ALMS1: variants seen among roughly 807,000 people sequenced by gnomAD.
ALMS1 encodes centrosome-associated protein ALMS1.
ALMS1 carries 271 observed loss-of-function variants against 352.2 expected under a neutral mutation model. That is an observed-to-expected ratio of 0.77 (90% confidence interval 0.70 to 0.85). The LOEUF is 0.85. Ranked by LOEUF, ALMS1 falls within the 40% of genes least tolerant of loss-of-function variation. ALMS1 has a pLI of 0.00. For missense variants in ALMS1, 5,445 were observed against 4,870.7 expected (o/e 1.12, Z -3.51); for synonymous variants, 1,865 against 1,761.2 (o/e 1.06, Z -1.48).
intron 9 of ALMS1, among the ~76,000 whole-genome samples, chr2:73,472,718 C>T (rs1376813608): frequency 3.3e-5 from 5 of 152,058 alleles, no homozygotes. Flanking sequence ...ACTTTGAAGA[C>T]AGCAGCTTAT....
In ALMS1 at chr2:73,451,321, C is replaced by T; in HGVS notation, c.4794C>T (p.Ser1598=). The change falls in exon 8 of 23, where the codon TCC becomes TCT. Residue 1598 remains serine, a synonymous_variant. Transcript: ENST00000613296. The stretch of plus-strand genomic sequence containing the variant: ...TACCTGAAGAGGCTCTGAAAGTTTC[C>T]ATTGTTTCTGGACCTACTGAAAAAA... ...GHLPEEALKV[S]IVSGPTEKKT... is the part of the protein sequence containing the mutation. 1 of 1,613,530 alleles carries T rather than the reference C, an allele frequency of 6.2e-7. No individual in the cohort carries two copies. The highest frequency in any genetic ancestry group is 8.5e-7 in the Non-Finnish European group (1 of 1,179,834).
At chr2:73,605,979 G>A (rs548300761) in intron 21 of ALMS1, among the ~76,000 whole-genome samples, 1 of 152,278 alleles carries the variant, frequency 6.6e-6, no homozygotes, top group East Asian at 1.9e-4. Flanking sequence ...CTATATGTAA[G>A]CTGGATTTTT....
At position 73,453,614 on chromosome 2, in the gene ALMS1, C is replaced by G. The variant is rs1304430967; in HGVS notation, c.7087C>G (p.Leu2363Val). The change falls in exon 8 of 23, where the codon CTA becomes GTA. Residue 2363 changes from leucine (L) to valine (V), a missense_variant. By Grantham distance (32) the Leu-to-Val change is conservative. Transcript: ENST00000613296. ...TAGTTCAACTACAGTTAGAAGTCCT[C>G]TACAGGAAGCAGAGAGCAAAGTCAG... ...FISSTTVRSP[L>V]QEAESKVSMA... 9.9e-6 allele frequency: 16 copies of G among 1,613,840 alleles called. No homozygotes were observed. The highest frequency in any genetic ancestry group is 1.4e-5 in the Non-Finnish European group (16 of 1,180,010).
At chr2:73,557,155 G>A (rs911230866) in intron 13 of ALMS1, 65 bp from the exon 14 acceptor site, 9 of 1,604,274 alleles carry the variant, frequency 5.6e-6, no homozygotes, top group South Asian at 5.5e-5. Context: ...TTGTGGGGGA[G>A]GATTACTTGT....
chr2:73,561,674 C>G (rs1236238327), intron 15 of ALMS1, among the ~76,000 whole-genome samples: 3 of 145,124 alleles, frequency 2.1e-5, no homozygotes, highest in Non-Finnish European at 2.9e-5. Flanking sequence ...ATATACTTAA[C>G]ACTACTGAAC....
intron 2 of ALMS1, among the ~76,000 whole-genome samples, chr2:73,418,166 T>G (rs1210420555): frequency 6.6e-6 from 1 of 152,180 alleles, no homozygotes; most frequent in Non-Finnish European, 1.5e-5. Context: ...TGTTAGCATT[T>G]TAGTAAAGTG....
intron 1 of ALMS1, among the ~76,000 whole-genome samples, chr2:73,397,490 G>T (rs1181747868): frequency 1.3e-5 from 2 of 151,656 alleles, no homozygotes; most frequent in African/African-American, 4.8e-5. Context: ...TTTTTGAGAT[G>T]GTGTTTCGCT....
At chr2:73,412,273 C>G (rs1200136998) in intron 2 of ALMS1, among the ~76,000 whole-genome samples, 1 of 152,234 alleles carries the variant, frequency 6.6e-6, no homozygotes, top group Non-Finnish European at 1.5e-5. Flanking sequence ...CTCCTAGTCC[C>G]TGGCAACTAC....
intron 10 of ALMS1, among the ~76,000 whole-genome samples, chr2:73,501,670 G>A (rs989908283): frequency 1.3e-5 from 2 of 152,060 alleles, no homozygotes; most frequent in Non-Finnish European, 2.9e-5. Context: ...CTTTACACCA[G>A]TACCACAATG....
chr2:73,492,379 A>G (rs1293819145), intron 10 of ALMS1, among the ~76,000 whole-genome samples: 3 of 152,344 alleles, frequency 2.0e-5, no homozygotes, highest in Middle Eastern at 3.4e-3. Flanking sequence ...TCATGATCCT[A>G]TGAAGCAGGT....
Position 73,563,739 on chromosome 2 carries a change from AATAAAAAT to A in ALMS1, c.10384+4599_10384+4606del, listed in dbSNP as rs1358170814. ...CTCCATCTCAAAAAAAAAAAAAAAA[AATAAAAAT>A]AAAAAATGAAGGTATGGAATTATAT... On this transcript the variant is annotated intron_variant, in intron 15 of 22. Transcript: ENST00000613296. 1.2e-3 allele frequency among the ~76,000 whole-genome samples: 154 copies of A among 123,474 alleles called. 9 individuals carry two copies. Among genetic ancestry groups the A allele is most frequent in the Middle Eastern group, 3.7e-3 (1 of 270 alleles). 81.0% of individuals were successfully genotyped at this position (123,474 alleles called of 152,430 possible).
chr2:73,390,958 A>G (rs754404148), intron 1 of ALMS1, among the ~76,000 whole-genome samples: 4 of 151,808 alleles, frequency 2.6e-5, no homozygotes, highest in African/African-American at 4.8e-5. Context: ...TTTAGTAGAG[A>G]TGGGGTTTCA....
At chr2:73,480,428 G>C (rs1672674076) in intron 9 of ALMS1, among the ~76,000 whole-genome samples, 1 of 152,160 alleles carries the variant, frequency 6.6e-6, no homozygotes, top group Non-Finnish European at 1.5e-5. Context: ...TGGCTGCATA[G>C]TATTCCATGG....
intron 1 of ALMS1, among the ~76,000 whole-genome samples, chr2:73,399,097 C>T (rs1670821218): frequency 6.6e-6 from 1 of 152,114 alleles, no homozygotes; most frequent in Admixed American, 6.5e-5. Flanking sequence ...GTGATCTGCC[C>T]TTCTCAGCCT....
At chr2:73,500,746 CAG>C (rs151099218) in intron 10 of ALMS1, among the ~76,000 whole-genome samples, 2,463 of 152,192 alleles carry the variant, frequency 0.016, 67 homozygotes, top group African/African-American at 0.056. Context: ...CAAGGAATGA[CAG>C]AGGAAACAAA....
chr2:73,509,155 A>G (rs1447672269), intron 10 of ALMS1, among the ~76,000 whole-genome samples: 2 of 151,878 alleles, frequency 1.3e-5, no homozygotes, highest in African/African-American at 2.4e-5. Flanking sequence ...TGCACATGAG[A>G]TGCGTCTCCT....
Position 73,448,818 on chromosome 2 carries a change from A to G in ALMS1, c.2291A>G (p.Tyr764Cys). ...TEIPAVQSSS[Y>C]SQREKPSILY... is the part of the protein sequence containing the mutation. The stretch of plus-strand genomic sequence containing the variant: ...ATACCAGCAGTACAGTCTAGTTCTT[A>G]CTCACAAAGAGAAAAGCCTAGTATT... The change falls in exon 8 of 23, where the codon TAC becomes TGC. Residue 764 changes from tyrosine to cysteine, a missense_variant. Coordinates refer to ENST00000613296, the MANE Select transcript of ALMS1 (RefSeq NM_001378454.1). The G allele has an allele frequency of 6.2e-7, 1 of 1,613,904 alleles. No individual in the cohort carries two copies. Among genetic ancestry groups the G allele is most frequent in the Middle Eastern group, 1.7e-4 (1 of 6,060 alleles).
intron 11 of ALMS1, among the ~76,000 whole-genome samples, chr2:73,534,151 G>T (rs1021471065): frequency 3.9e-5 from 6 of 152,166 alleles, no homozygotes; most frequent in African/African-American, 1.4e-4. Context: ...CATACTATAT[G>T]CAGACAACTT....
At chr2:73,503,248 C>T (rs576512064) in intron 10 of ALMS1, among the ~76,000 whole-genome samples, 2 of 152,032 alleles carry the variant, frequency 1.3e-5, no homozygotes, top group East Asian at 3.9e-4. Flanking sequence ...TCCCTCCCCC[C>T]TTCCCCGACC....
Sources: gnomAD v4.1 joint callset for allele counts (sites outside exome capture counted in the v4.1 genomes callset) on GRCh38, gnomAD v4.1.1 for gene constraint, MANE v1.5 for transcripts, NCBI Gene and HGNC (gene_info 2026-07-23, HGNC 2026-07-21) for gene names.